The following LRRC49 variants were observed in gnomAD, a reference collection of about 807,000 sequenced individuals.
The protein encoded by LRRC49 is leucine rich repeat containing 49, also known as leucine-rich repeat-containing protein 49.
In LRRC49, 50 loss-of-function variants were observed where a neutral mutation model predicts 83.3. The observed-to-expected ratio is 0.60, with a 90% CI of 0.48 to 0.76. The LOEUF (loss-of-function observed/expected upper bound fraction) is 0.76, where lower values mean the gene tolerates loss of function less well. LRRC49 is among the 30% of genes least tolerant of loss of function. The probability of loss-of-function intolerance (pLI) is 0.00; values close to 1 mark genes in which losing one functional copy is unlikely to be tolerated. For synonymous variants in LRRC49, 286 were observed against 283.3 expected (o/e 1.01, Z -0.10); for missense variants, 704 against 809.1 (o/e 0.87, Z 1.58).
chr15:70,974,025 G>T (rs1335538740), intron 9 of LRRC49, among the ~76,000 whole-genome samples: 1 of 152,092 alleles, frequency 6.6e-6, no homozygotes, highest in Non-Finnish European at 1.5e-5. Flanking sequence ...TACTCGGGAG[G>T]CTGAGGCTGG....
intron 9 of LRRC49, among the ~76,000 whole-genome samples, chr15:70,970,592 C>T (rs1343907124): frequency 6.6e-6 from 1 of 152,070 alleles, no homozygotes; most frequent in Non-Finnish European, 1.5e-5. Context: ...TGGTAGAATT[C>T]AGCTGTGAAT....
At chr15:71,032,392 T>C (rs2039385984) in intron 14 of LRRC49, among the ~76,000 whole-genome samples, 1 of 152,108 alleles carries the variant, frequency 6.6e-6, no homozygotes, top group Non-Finnish European at 1.5e-5. Flanking sequence ...TTGGTCTCGC[T>C]GGGAGCTGCA....
chr15:70,963,879 ACT>A lies in LRRC49; in HGVS notation c.869_870del (p.Thr290SerfsTer40). The A allele has an allele frequency of 6.2e-7, 1 of 1,613,620 alleles. No homozygotes were observed. Among genetic ancestry groups the A allele is most frequent in the Non-Finnish European group, 8.5e-7 (1 of 1,179,648 alleles). The part of the protein sequence containing the change: ...PIAQESWYKH[T>X]VLQNMMQLRQ... ...AGCTCAAGAGTCATGGTACAAACACACTGTCCTTCAGAATATGATGCAGCTGC... is the reference window on the plus strand; with the variant it reads ...AGCTCAAGAGTCATGGTACAAACACAGTCCTTCAGAATATGATGCAGCTGC... On this transcript the variant is annotated frameshift_variant, in exon 9 of 16. Transcript: ENST00000260382. LOFTEE classifies it high-confidence loss of function.
chr15:70,985,526 T>C (rs1461015427), intron 11 of LRRC49, among the ~76,000 whole-genome samples: 1 of 152,220 alleles, frequency 6.6e-6, no homozygotes, highest in African/African-American at 2.4e-5. Flanking sequence ...ATTCTGGATA[T>C]TAGCCCTTTG....
At chr15:70,897,937 G>T (rs2033905058) in intron 3 of LRRC49, among the ~76,000 whole-genome samples, 2 of 152,200 alleles carry the variant, frequency 1.3e-5, no homozygotes, top group South Asian at 4.1e-4. Context: ...AAATGTGTGT[G>T]TAGAAGGGAA....
At chr15:70,890,530 T>C (rs1372010428), upstream of LRRC49, among the ~76,000 whole-genome samples, 1 of 152,200 alleles carries the variant, frequency 6.6e-6, no homozygotes, top group Non-Finnish European at 1.5e-5. Flanking sequence ...CTAGCTCTCA[T>C]GGAGCTTACA....
intron 7 of LRRC49, among the ~76,000 whole-genome samples, chr15:70,934,715 C>T (rs1042382647): frequency 1.3e-5 from 2 of 152,082 alleles, no homozygotes; most frequent in African/African-American, 2.4e-5. Context: ...AGATGGCATG[C>T]TGGAGCTCAA....
chr15:70,933,257 C>T (rs1013335374), intron 7 of LRRC49, among the ~76,000 whole-genome samples: 2 of 151,862 alleles, frequency 1.3e-5, no homozygotes, highest in Non-Finnish European at 2.9e-5. Context: ...ATATTATTTT[C>T]AGTATTATGT....
chr15:70,886,187 G>A (rs562156665), intron 2 of LRRC49, among the ~76,000 whole-genome samples: 2 of 152,194 alleles, frequency 1.3e-5, no homozygotes, highest in African/African-American at 4.8e-5. Flanking sequence ...GTTAGGTGGG[G>A]ACTTATAATC....
intron 11 of LRRC49, among the ~76,000 whole-genome samples, chr15:71,001,214 G>C (rs2038242549): frequency 6.6e-6 from 1 of 152,086 alleles, no homozygotes; most frequent in Non-Finnish European, 1.5e-5. Flanking sequence ...TTTGGGTGGG[G>C]AGGGGTTTTC....
At chr15:70,878,943 T>C (rs1035681548) in intron 2 of LRRC49, among the ~76,000 whole-genome samples, 20 of 152,358 alleles carry the variant, frequency 1.3e-4, no homozygotes, top group African/African-American at 3.8e-4. Context: ...GTTTTGGTAA[T>C]AGGTTAATGC....
intron 2 of LRRC49, among the ~76,000 whole-genome samples, chr15:70,878,169 T>G (rs2033191582): frequency 6.6e-6 from 1 of 152,064 alleles, no homozygotes; most frequent in South Asian, 2.1e-4. Flanking sequence ...AATACATAAA[T>G]AAATAAATTC....
chr15:71,049,111 T>G (rs1049828999), intron 15 of LRRC49, among the ~76,000 whole-genome samples: 1 of 152,166 alleles, frequency 6.6e-6, no homozygotes, highest in African/African-American at 2.4e-5. Flanking sequence ...TGACCTGAAC[T>G]GAGATAGGAG....
At chr15:70,867,508 G>A (rs561274082) in intron 1 of LRRC49, among the ~76,000 whole-genome samples, 6 of 152,252 alleles carry the variant, frequency 3.9e-5, no homozygotes, top group South Asian at 4.1e-4. Flanking sequence ...AAGTCCCAAT[G>A]ATCCCAGTGA....
At chr15:71,010,710 C>T (rs1015522540) in intron 13 of LRRC49, among the ~76,000 whole-genome samples, 4 of 151,856 alleles carry the variant, frequency 2.6e-5, no homozygotes, top group African/African-American at 9.6e-5. Context: ...AAGGTAATCC[C>T]CCAGCTACTC....
intron 12 of LRRC49, among the ~76,000 whole-genome samples, 154 bp downstream of exon 12, chr15:71,008,770 A>C (rs2038549925): frequency 6.6e-6 from 1 of 152,010 alleles, no homozygotes; most frequent in Non-Finnish European, 1.5e-5. Flanking sequence ...GATTTAAATT[A>C]GTATTCATAA....
At chr15:70,893,458 CCAGAAA>C in intron 1 of LRRC49, 120 bp from the exon 2 acceptor site, 3 of 665,584 alleles carry the variant, frequency 4.5e-6, no homozygotes, top group Non-Finnish European at 8.0e-6. Context: ...AGATCATTTA[CCAGAAA>C]CAGAAATAGA....
chr15:70,900,817 A>G (rs923228237), intron 3 of LRRC49, 105 bp from the exon 4 acceptor site: 7 of 684,548 alleles, frequency 1.0e-5, no homozygotes, highest in South Asian at 8.5e-5. Context: ...TATACTTTCT[A>G]GATAAGATAT....
At chr15:70,894,727 A>G in intron 2 of LRRC49, 1 of 674,768 alleles carries the variant, frequency 1.5e-6, no homozygotes, top group Non-Finnish European at 2.2e-6. Context: ...AGTGAAGGGC[A>G]GAGTTCACAC....
Sources: gnomAD v4.1 joint callset for allele counts (sites outside exome capture counted in the v4.1 genomes callset) on GRCh38, gnomAD v4.1.1 for gene constraint, MANE v1.5 for transcripts, NCBI Gene and HGNC (gene_info 2026-07-23, HGNC 2026-07-21) for gene names.